The following ASPM variants were observed in gnomAD, a reference collection of about 807,000 sequenced individuals.
ASPM encodes abnormal spindle-like microcephaly-associated protein.
Under a neutral mutation model 366.4 loss-of-function variants are expected in ASPM, and 256 were observed. That is an observed-to-expected ratio of 0.70 (90% CI 0.63 to 0.77). The LOEUF is 0.77. Ranked by LOEUF, ASPM falls within the 30% of genes least tolerant of loss-of-function variation. The pLI, the probability that ASPM is intolerant of heterozygous loss-of-function variation, is 0.00. For missense variants in ASPM, 4,146 were observed against 4,090.4 expected (o/e 1.01, Z -0.37); for synonymous variants, 1,414 against 1,342.9 (o/e 1.05, Z -1.16).
Position 197,102,368 on chromosome 1 carries a change from T to G in ASPM, c.6883A>C (p.Lys2295Gln). The part of the protein sequence containing the change: ...LKKTAILIQR[K>Q]YRAHLCTKHH... ...TTTGTACAAAGATGTGCCCGATATT[T>G]TCTCTGAATCAAAATAGCAGTTTTC... Residue 2295 changes from lysine (K) to glutamine (Q), a missense_variant, in exon 18 of 28, where the codon AAA becomes CAA. By Grantham distance (53) the Lys-to-Gln change is moderately conservative. Around this residue, in one of 3 missense-constraint regions of ASPM, gnomAD observed 3,624 missense variants for 3,591.7 expected, o/e 1.01. Transcript: ENST00000367409. 6.2e-7 allele frequency: 1 copy of G among 1,612,824 alleles called. No homozygotes were observed. The highest frequency in any genetic ancestry group is 8.5e-7 in the Non-Finnish European group (1 of 1,179,272).
intron 8 of ASPM, 35 bp downstream of exon 8, chr1:197,129,880 T>C (rs759663500): frequency 6.3e-7 from 1 of 1,596,570 alleles, no homozygotes; most frequent in Non-Finnish European, 8.6e-7. Context: ...TCATGTATAA[T>C]GTGGAGAGAA....
intron 17 of ASPM, 41 bp from the exon 18 acceptor site, chr1:197,105,226 GC>G (rs1657375070): frequency 1.4e-6 from 2 of 1,454,246 alleles, no homozygotes; most frequent in Non-Finnish European, 9.6e-7. Context: ...AATAGGCATA[GC>G]TTTCTATATT....
rs538986451 is a variant in ASPM, at chr1:197,088,504, C to T, written c.9985-72G>A. The T allele has an allele frequency of 1.7e-3, 2,423 of 1,446,916 alleles. 3 individuals carry two copies. Among genetic ancestry groups the T allele is most frequent in the Non-Finnish European group, 2.2e-3 (2,287 of 1,058,762 alleles). 89.6% of individuals were successfully genotyped at this position (1,446,916 alleles called of 1,614,324 possible). A position where few individuals can be genotyped will look rare whatever the true frequency, so the allele number is the denominator to read the frequency against. On this transcript the variant is annotated intron_variant, in intron 25 of 27. Coordinates refer to ENST00000367409, the MANE Select transcript of ASPM (RefSeq NM_018136.5). ...TTTACAAACAACCCAACCAAAAAAA[C>T]AAAATACAAAAGTCCATACTTAGTA...
At chr1:197,087,827 C>T (rs919836814) in intron 26 of ASPM, among the ~76,000 whole-genome samples, 2 of 152,204 alleles carry the variant, frequency 1.3e-5, no homozygotes, top group Non-Finnish European at 2.9e-5. Flanking sequence ...GCGGTTCCCA[C>T]TTACCAGGAT....
Position 197,090,220 on chromosome 1 carries a change from TG to T in ASPM, c.9804del (p.Ile3269PhefsTer5). The T allele has an allele frequency of 1.9e-6, 3 of 1,613,564 alleles. No homozygotes were observed. The highest frequency in any genetic ancestry group is 2.5e-6 in the Non-Finnish European group (3 of 1,179,662). ...CCTAGGTGTTTTAAGGCCTCAAGAATGGCAGAAAGGTGCTTATATGTCAAAA... is the reference window on the plus strand; with the variant it reads ...CCTAGGTGTTTTAAGGCCTCAAGAATGCAGAAAGGTGCTTATATGTCAAAA... ...HYLLTYKHLSAILEALKHLEV... is the reference protein window; with the variant it reads ...HYLLTYKHLSXILEALKHLEV... On this transcript the variant is annotated frameshift_variant, in exon 24 of 28. Transcript: ENST00000367409. LOFTEE classifies it high-confidence loss of function.
chr1:197,142,747 G>C lies in ASPM; in HGVS notation c.1505C>G (p.Ala502Gly), dbSNP rs140410863. 7.4e-5 allele frequency: 119 copies of C among 1,613,728 alleles called. No individual in the cohort carries two copies. The highest frequency in any genetic ancestry group is 1.6e-4 in the Middle Eastern group (1 of 6,082). Residue 502 changes from alanine to glycine, a missense_variant, in exon 3 of 28, where the codon GCC becomes GGC. By Grantham distance (60) the Ala-to-Gly change is moderately conservative (BLOSUM62 0). Around this residue, in one of 3 missense-constraint regions of ASPM, gnomAD observed 3,624 missense variants for 3,591.7 expected, o/e 1.01. Coordinates refer to ENST00000367409, the MANE Select transcript of ASPM (RefSeq NM_018136.5). Reference protein sequence around the residue: ...ILSATVTKRKATCTRENQTEI... With the variant: ...ILSATVTKRKGTCTRENQTEI... ...AGTTTGGTTTTCTCTGGTACAGGTG[G>C]CCTTCCTTTTAGTAACAGTGGCAGA...
At chr1:197,116,391 A>C (rs1018037713) in intron 17 of ASPM, among the ~76,000 whole-genome samples, 1 of 152,174 alleles carries the variant, frequency 6.6e-6, no homozygotes, top group African/African-American at 2.4e-5. Flanking sequence ...ATGTAGTACT[A>C]ATGAAAAAGT....
At chr1:197,135,057 A>T in intron 5 of ASPM, 39 bp downstream of exon 5, 1 of 1,378,542 alleles carries the variant, frequency 7.3e-7, no homozygotes, top group Non-Finnish European at 1.0e-6. Flanking sequence ...TTTATCTGTT[A>T]AAAGTATTAT....
Position 197,128,651 on chromosome 1 carries a change from G to A in ASPM, c.2775C>T (p.Ile925=), listed in dbSNP as rs745940101. The A allele has an allele frequency of 6.2e-7, 1 of 1,611,966 alleles. No homozygotes were observed. The highest frequency in any genetic ancestry group is 8.5e-7 in the Non-Finnish European group (1 of 1,178,704). The part of the protein sequence containing the change: ...KDAEFKASKE[I]LLAFSRDFLS... ...GGAAATCTCGTGAAAAAGCCAAAAGGATTTCTTTACTAGCCTATAAAGAAA... is the reference window on the plus strand; with the variant it reads ...GGAAATCTCGTGAAAAAGCCAAAAGAATTTCTTTACTAGCCTATAAAGAAA... The change falls in exon 10 of 28, where the codon ATC becomes ATT. Residue 925 remains isoleucine (I), a synonymous_variant. Coordinates refer to ENST00000367409, the MANE Select transcript of ASPM (RefSeq NM_018136.5).
intron 18 of ASPM, among the ~76,000 whole-genome samples, chr1:197,097,359 TA>T (rs1657012863): frequency 6.6e-6 from 1 of 151,748 alleles, no homozygotes; most frequent in Admixed American, 6.6e-5. Context: ...ACGAAATGCT[TA>T]AAAGGTAGCT....
chr1:197,118,536 T>G (rs570472341), intron 16 of ASPM, among the ~76,000 whole-genome samples: 25 of 152,280 alleles, frequency 1.6e-4, no homozygotes, highest in Admixed American at 1.6e-3. Context: ...CCAACATTTG[T>G]GGTCAAAGAG....
chr1:197,121,938 T>C lies in ASPM; in HGVS notation c.3847A>G (p.Lys1283Glu). Residue 1283 changes from lysine (K) to glutamate (E), a missense_variant, in exon 16 of 28, where the codon AAA becomes GAA. By Grantham distance (56) the Lys-to-Glu change is moderately conservative (BLOSUM62 1). Coordinates refer to ENST00000367409, the MANE Select transcript of ASPM (RefSeq NM_018136.5). ...IQTTWRKYKL[K>E]TDLKRHQERE... ...ACCTGATGGCGTTTGAGATCTGTTT[T>C]TAGTTTATATTTTCTCCATGTTGTT... 1 of 1,611,210 alleles carries C rather than the reference T, an allele frequency of 6.2e-7. No homozygotes were observed. Among genetic ancestry groups the C allele is most frequent in the Non-Finnish European group, 8.5e-7 (1 of 1,177,648 alleles).
Position 197,100,577 on chromosome 1 carries a change from G to A in ASPM, c.8674C>T (p.His2892Tyr). 2 of 1,611,896 alleles carry A rather than the reference G, an allele frequency of 1.2e-6. No individual in the cohort carries two copies. The highest frequency in any genetic ancestry group is 1.1e-5 in the South Asian group (1 of 91,014). ...TTTGCAGACAGAAATGCTCTGTAGT[G>A]ATTTTGTAAAACCACTGCTGCTTTT... is the stretch of plus-strand genomic sequence containing the variant. ...YRKAAVVLQNHYRAFLSAKHQ... is the reference protein window; with the variant it reads ...YRKAAVVLQNYYRAFLSAKHQ... Residue 2892 changes from histidine (H) to tyrosine (Y), a missense_variant, in exon 18 of 28, where the codon CAC becomes TAC. This residue lies in a region of ASPM where 3,624 missense variants were observed against 3,591.7 expected (regional missense o/e 1.01). Coordinates refer to ENST00000367409, the MANE Select transcript of ASPM (RefSeq NM_018136.5).
chr1:197,131,603 G>A (rs1658256022), intron 7 of ASPM, among the ~76,000 whole-genome samples: 1 of 147,398 alleles, frequency 6.8e-6, no homozygotes, highest in South Asian at 2.1e-4. Context: ...CCCAGGCCCA[G>A]GCTGGAGTGC....
intron 27 of ASPM, 45 bp from the exon 28 acceptor site, chr1:197,084,471 C>A: frequency 7.4e-7 from 1 of 1,350,886 alleles, no homozygotes; most frequent in African/African-American, 1.4e-5. Context: ...AAGTTCTTCT[C>A]TTTAGAGTTA....
Position 197,107,176 on chromosome 1 carries a change from G to C in ASPM, c.4066-1991C>G, listed in dbSNP as rs1657438884. Among the ~76,000 whole-genome samples the C allele has an allele frequency of 1.3e-5, 2 of 152,128 alleles. 1 individual carries two copies. The highest frequency in any genetic ancestry group is 4.1e-4 in the South Asian group (2 of 4,822). On this transcript the variant is annotated intron_variant, in intron 17 of 27. Transcript: ENST00000367409. ...CTCAGGGAAGCAATCTGATAATGTTGTTTATGAATTTCTAGGTTCACCACC... is the reference window on the plus strand; with the variant it reads ...CTCAGGGAAGCAATCTGATAATGTTCTTTATGAATTTCTAGGTTCACCACC...
Position 197,094,162 on chromosome 1 carries a change from T to C in ASPM, c.9006A>G (p.Ala3002=), listed in dbSNP as rs143760252. ...LERTRFLNVR[A]SAIIIQRKWR... ...ATTTTCTCTGAATGATAATTGCTGATGCTCTCACATTCAAAAACCTAAAAA... is the reference window on the plus strand; with the variant it reads ...ATTTTCTCTGAATGATAATTGCTGACGCTCTCACATTCAAAAACCTAAAAA... The change falls in exon 20 of 28, where the codon GCA becomes GCG. Residue 3002 remains alanine, a synonymous_variant. Transcript: ENST00000367409. 84 of 1,605,680 alleles carry C rather than the reference T, an allele frequency of 5.2e-5. No homozygotes were observed. In the African/African-American group the frequency reaches 8.7e-4, roughly 17 times the overall value.
intron 17 of ASPM, among the ~76,000 whole-genome samples, chr1:197,114,200 T>C (rs1281279204): frequency 6.6e-6 from 1 of 152,234 alleles, no homozygotes; most frequent in Non-Finnish European, 1.5e-5. Flanking sequence ...AAAACCATTG[T>C]GTCTAAAACA....
At position 197,101,756 on chromosome 1, in the gene ASPM, T is replaced by C; in HGVS notation, c.7495A>G (p.Thr2499Ala). The C allele has an allele frequency of 6.2e-7, 1 of 1,612,372 alleles. No individual in the cohort carries two copies. Among genetic ancestry groups the C allele is most frequent in the Non-Finnish European group, 8.5e-7 (1 of 1,179,100 alleles). The change falls in exon 18 of 28, where the codon ACA becomes GCA. Residue 2499 changes from threonine to alanine, a missense_variant. Thr to Ala is a moderately conservative substitution (Grantham distance 58, BLOSUM62 0). Coordinates refer to ENST00000367409, the MANE Select transcript of ASPM (RefSeq NM_018136.5). Reference protein sequence around the residue: ...ATFRMYRTYITFQTWKHASIL... With the variant: ...ATFRMYRTYIAFQTWKHASIL... ...GAAGCATGTTTCCAAGTCTGAAATG[T>C]AATATATGTTCTGTACATCCTGAAA... is the stretch of plus-strand genomic sequence containing the variant.
Sources: allele counts gnomAD v4.1 joint callset (sites outside exome capture counted in the v4.1 genomes callset), GRCh38; gene constraint gnomAD v4.1.1; regional missense constraint gnomAD v4.1.1; transcripts MANE v1.5; gene names NCBI Gene and HGNC (gene_info 2026-07-23, HGNC 2026-07-21).